The following SMCHD1 variants were observed in gnomAD, a reference collection of about 807,000 sequenced individuals.
The protein encoded by SMCHD1 is structural maintenance of chromosomes flexible hinge domain containing 1.
In SMCHD1, 78 loss-of-function variants were observed where a neutral mutation model predicts 254.7. The observed-to-expected ratio is 0.31, with a 90% CI of 0.26 to 0.37. The LOEUF is 0.37. Among genes scored for constraint, SMCHD1 ranks in the 10% least tolerant of loss-of-function variants. SMCHD1 has a pLI of 1.00. For synonymous variants in SMCHD1, 766 were observed against 794.9 expected (o/e 0.96, Z 0.61); for missense variants, 1,840 against 2,408.1 (o/e 0.76, Z 4.94).
intron 39 of SMCHD1, among the ~76,000 whole-genome samples, chr18:2,770,787 A>T (rs934162119): frequency 6.6e-6 from 1 of 151,930 alleles, no homozygotes; most frequent in African/African-American, 2.4e-5. Context: ...CGCCTGGCTG[A>T]TTTTTGTATT....
At chr18:2,759,300 A>G (rs2075738077) in intron 34 of SMCHD1, among the ~76,000 whole-genome samples, 1 of 152,114 alleles carries the variant, frequency 6.6e-6, no homozygotes, top group African/African-American at 2.4e-5. Flanking sequence ...TCAGAGATTG[A>G]CATGATTCAA....
intron 37 of SMCHD1, among the ~76,000 whole-genome samples, chr18:2,766,852 T>C (rs2075877436): frequency 6.6e-6 from 1 of 152,242 alleles, no homozygotes; most frequent in African/African-American, 2.4e-5. Context: ...TTATTCTGTT[T>C]ATCCTTTTTT....
At chr18:2,672,760 A>T (rs533146968) in intron 3 of SMCHD1, among the ~76,000 whole-genome samples, 1 of 152,222 alleles carries the variant, frequency 6.6e-6, no homozygotes, top group South Asian at 2.1e-4. Context: ...AGTTGAACAG[A>T]TGTATTCTGC....
intron 5 of SMCHD1, among the ~76,000 whole-genome samples, chr18:2,678,518 T>C (rs1206645905): frequency 1.3e-5 from 2 of 152,252 alleles, no homozygotes; most frequent in East Asian, 1.9e-4. Context: ...GGTTTCACCA[T>C]GTTGGCCAGG....
chr18:2,778,964 G>A (rs1156398049), intron 44 of SMCHD1: 10 of 152,156 alleles, frequency 6.6e-5, no homozygotes, highest in African/African-American at 2.2e-4. Flanking sequence ...CAAAGGTAAT[G>A]AGTTATCTCA....
At chr18:2,749,769 G>A (rs1227527033) in intron 30 of SMCHD1, among the ~76,000 whole-genome samples, 2 of 152,158 alleles carry the variant, frequency 1.3e-5, no homozygotes, top group East Asian at 3.8e-4. Flanking sequence ...CAGTGATATT[G>A]AAACAGTGAA....
intron 4 of SMCHD1, 97 bp from the exon 5 acceptor site, chr18:2,673,918 A>G: frequency 1.6e-6 from 2 of 1,232,230 alleles, no homozygotes; most frequent in Non-Finnish European, 1.1e-6. Flanking sequence ...GTAATGTATA[A>G]GTGAGCCTGT....
intron 3 of SMCHD1, 31 bp downstream of exon 3, chr18:2,667,062 A>AATT: frequency 1.4e-6 from 2 of 1,479,444 alleles, no homozygotes; most frequent in Non-Finnish European, 1.8e-6. Flanking sequence ...AATTTTGATA[A>AATT]ATTATTACCT....
Position 2,772,260 on chromosome 18 carries a change from T to C in SMCHD1, c.5063T>C (p.Ile1688Thr). The change falls in exon 41 of 48, where the codon ATT (isoleucine) becomes ACT (threonine). Residue 1688 changes from isoleucine to threonine, a missense_variant. Physicochemically the swap from Ile to Thr is moderately conservative, Grantham distance 89. Around this residue, in one of 9 missense-constraint regions of SMCHD1, gnomAD observed 881 missense variants for 1,009.5 expected, o/e 0.87. Transcript: ENST00000320876. ...DIPTTQQVPH[I>T]EALLKRKLSE... ...CTTTATAAATTATAGGTGCCACACA[T>C]TGAAGCACTTCTGAAAAGAAAGCTA... The C allele has an allele frequency of 1.9e-6, 3 of 1,594,734 alleles. No homozygotes were observed. The highest frequency in any genetic ancestry group is 2.3e-5 in the East Asian group (1 of 44,038).
At position 2,674,156 on chromosome 18, in the gene SMCHD1, C is replaced by T; in HGVS notation, c.638+11C>T. On this transcript the variant is annotated intron_variant, in intron 5 of 47. Transcript: ENST00000320876. The stretch of plus-strand genomic sequence containing the variant: ...AGGTGACTTTGAAAGGTTAGAAAAC[C>T]TTACTTTTTTTTTTTTGTGGGTAGC... The T allele has an allele frequency of 1.3e-6, 2 of 1,548,722 alleles. No individual in the cohort carries two copies. Among genetic ancestry groups the T allele is most frequent in the South Asian group, 1.3e-5 (1 of 79,872 alleles).
chr18:2,787,304 GA>G (rs999700609), intron 45 of SMCHD1, among the ~76,000 whole-genome samples: 8 of 152,142 alleles, frequency 5.3e-5, no homozygotes, highest in African/African-American at 1.9e-4. Flanking sequence ...CTGCCCTCAT[GA>G]CCCCAACATT....
intron 15 of SMCHD1, 67 bp downstream of exon 15, chr18:2,706,537 C>T: frequency 9.2e-7 from 1 of 1,084,410 alleles, no homozygotes; most frequent in Non-Finnish European, 1.4e-6. Context: ...TGTAAGTATT[C>T]TGAGTATGTC....
intron 17 of SMCHD1, among the ~76,000 whole-genome samples, chr18:2,716,889 G>A (rs1422770053): frequency 6.6e-6 from 1 of 152,174 alleles, no homozygotes; most frequent in Non-Finnish European, 1.5e-5. Flanking sequence ...GTCCTGCCAG[G>A]GACAAAAACC....
chr18:2,731,404 A>T (rs770760330), intron 24 of SMCHD1, among the ~76,000 whole-genome samples: 3 of 152,204 alleles, frequency 2.0e-5, no homozygotes, highest in Non-Finnish European at 4.4e-5. Context: ...TTTGATCTGT[A>T]GAACACTGGT....
chr18:2,799,976 A>G (rs978906175), intron 47 of SMCHD1, among the ~76,000 whole-genome samples: 36 of 152,066 alleles, frequency 2.4e-4, no homozygotes, highest in African/African-American at 8.5e-4. Flanking sequence ...GAGCCCTTCT[A>G]TGTCCGAAAA....
intron 1 of SMCHD1, among the ~76,000 whole-genome samples, chr18:2,664,184 G>A (rs1343125051): frequency 6.6e-6 from 1 of 152,042 alleles, no homozygotes; most frequent in Non-Finnish European, 1.5e-5. Flanking sequence ...CTAGGTCTTA[G>A]GTCATTTCAC....
At chr18:2,796,187 G>GA in intron 46 of SMCHD1, 80 bp downstream of exon 46, 1 of 1,248,042 alleles carries the variant, frequency 8.0e-7, no homozygotes. Context: ...CCAACCGTAA[G>GA]AAAAAAGAAT....
At chr18:2,740,089 C>T (rs1028534574) in intron 27 of SMCHD1, among the ~76,000 whole-genome samples, 4 of 151,640 alleles carry the variant, frequency 2.6e-5, no homozygotes, top group African/African-American at 4.9e-5. Flanking sequence ...CCCCTAGCCC[C>T]GACTCCCCGA....
chr18:2,800,799 T>C (rs2076347506), intron 47 of SMCHD1: 1 of 152,200 alleles, frequency 6.6e-6, no homozygotes, highest in African/African-American at 2.4e-5. Flanking sequence ...TGTAATCCTC[T>C]TTCTTAAATG....
Sources: allele counts gnomAD v4.1 joint callset (sites outside exome capture counted in the v4.1 genomes callset), GRCh38; gene constraint gnomAD v4.1.1; regional missense constraint gnomAD v4.1.1; transcripts MANE v1.5; gene names NCBI Gene and HGNC (gene_info 2026-07-23, HGNC 2026-07-21).